Variants in ST14 observed in about 807,000 individuals in gnomAD.
ST14 encodes ST14 transmembrane serine protease matriptase.
A neutral mutation model predicts 96.5 loss-of-function variants in ST14; 40 were observed. That is an observed-to-expected ratio of 0.41 (90% CI 0.32 to 0.54). The LOEUF is 0.54. Ranked by LOEUF, ST14 falls within the 20% of genes least tolerant of loss-of-function variation. The pLI, the probability that ST14 is intolerant of heterozygous loss-of-function variation, is 0.17. For synonymous variants in ST14, 506 were observed against 492.1 expected, an observed-to-expected ratio of 1.03 and a Z score of -0.37; for missense variants, 1,066 against 1,188.9, an observed-to-expected ratio of 0.90 and a Z score of 1.52.
intron 16 of ST14, among the ~76,000 whole-genome samples, chr11:130,206,567 C>CTTTTTTTTTTTTTTTTTTTTTTTT (rs57270082): frequency 7.0e-6 from 1 of 143,144 alleles, no homozygotes; most frequent in African/African-American, 2.5e-5. Flanking sequence ...CTTTTCTTTT[C>CTTTTTTTTTTTTTTTTTTTTTTTT]TTTTTTTTTT....
In ST14 at chr11:130,187,623, C is replaced by T. The variant is rs1953249967; in HGVS notation, c.82-491C>T. On this transcript the variant is annotated intron_variant, in intron 1 of 18. Transcript: ENST00000278742. The surrounding 1 kb of genome is among the most constrained non-coding windows in gnomAD (Gnocchi z 4.5). ...TGAGTGCTGGCCACAGGCTCCTGGG[C>T]CAGGTGATGGGGGGATTGAATCTGG... Among the ~76,000 whole-genome samples the T allele has an allele frequency of 6.6e-6, 1 of 152,032 alleles. No homozygotes were observed. Among genetic ancestry groups the T allele is most frequent in the African/African-American group, 2.4e-5 (1 of 41,378 alleles).
chr11:130,207,001 C>T (rs1470393687), intron 16 of ST14, among the ~76,000 whole-genome samples: 1 of 152,176 alleles, frequency 6.6e-6, no homozygotes, highest in Non-Finnish European at 1.5e-5. Flanking sequence ...GTAGTAGTGT[C>T]ACCCTGTCAC....
At chr11:130,204,609 C>T (rs539058386) in intron 16 of ST14, among the ~76,000 whole-genome samples, 86 of 152,140 alleles carry the variant, frequency 5.7e-4, no homozygotes, top group African/African-American at 2.0e-3. Context: ...GTCAGGAGTT[C>T]GAGACCAGCC....
At chr11:130,191,306 T>C (rs1238725892) in intron 7 of ST14, among the ~76,000 whole-genome samples, 4 of 152,076 alleles carry the variant, frequency 2.6e-5, no homozygotes, top group African/African-American at 7.2e-5. Context: ...CACTCCAGCC[T>C]GGGCAACAGA....
At chr11:130,206,968 C>T (rs189864170) in intron 16 of ST14, among the ~76,000 whole-genome samples, 9 of 152,300 alleles carry the variant, frequency 5.9e-5, no homozygotes, top group African/African-American at 2.2e-4. Context: ...GATTACCCCA[C>T]CCTTTTTTAT....
intron 1 of ST14, among the ~76,000 whole-genome samples, chr11:130,186,083 T>G (rs996978448): frequency 6.6e-6 from 1 of 152,194 alleles, no homozygotes; most frequent in African/African-American, 2.4e-5. Flanking sequence ...GCTGGGATTA[T>G]AGGCGTGAGC....
chr11:130,185,794 C>A (rs1469968162), intron 1 of ST14, among the ~76,000 whole-genome samples: 2 of 152,128 alleles, frequency 1.3e-5, no homozygotes, highest in Non-Finnish European at 2.9e-5. Flanking sequence ...AACAGTGGAA[C>A]CCTCAAAATT....
At chr11:130,202,070 C>T (rs753200615) in intron 16 of ST14, among the ~76,000 whole-genome samples, 26 of 152,296 alleles carry the variant, frequency 1.7e-4, no homozygotes, top group African/African-American at 3.1e-4. Context: ...GACCAAGGTC[C>T]GGTTGCTTAG....
At chr11:130,204,995 C>T (rs1042926967) in intron 16 of ST14, among the ~76,000 whole-genome samples, 5 of 152,008 alleles carry the variant, frequency 3.3e-5, no homozygotes, top group Admixed American at 6.6e-5. Context: ...GAAAATGAAG[C>T]GGGTCTTCAT....
In ST14 at chr11:130,210,168, G is replaced by C. The variant is rs1259896971; in HGVS notation, c.*345G>C. 4.0e-6 allele frequency: 1 copy of C among 251,822 alleles called. No individual in the cohort carries two copies. Among genetic ancestry groups the C allele is most frequent in the African/African-American group, 2.2e-5 (1 of 44,996 alleles). 15.6% of individuals were successfully genotyped at this position (251,822 alleles called of 1,614,324 possible). On this transcript the variant is annotated 3_prime_UTR_variant, in exon 19 of 19. Coordinates refer to ENST00000278742, the MANE Select transcript of ST14 (RefSeq NM_021978.4). ...TAAGGAGCAGCGGGAACGGAGCTTCGGGGCCTCCTCAGTGAAGGTGGTGGG... is the reference window on the plus strand; with the variant it reads ...TAAGGAGCAGCGGGAACGGAGCTTCCGGGCCTCCTCAGTGAAGGTGGTGGG...
At position 130,194,577 on chromosome 11, in the gene ST14, T is replaced by G. The variant is rs1453739820; in HGVS notation, c.1016-63T>G. On this transcript the variant is annotated intron_variant, in intron 8 of 18. Coordinates refer to ENST00000278742, the MANE Select transcript of ST14 (RefSeq NM_021978.4). ...CTCCAGGCCTCAGGCTGCAGAGCCCTCGTCCGCCTGCTCGGCCGGGCAGGT... is the reference window on the plus strand; with the variant it reads ...CTCCAGGCCTCAGGCTGCAGAGCCCGCGTCCGCCTGCTCGGCCGGGCAGGT... The G allele has an allele frequency of 2.6e-6, 4 of 1,554,196 alleles. No homozygotes were observed. The African/African-American group carries it at 5.4e-5, about 21-fold the overall frequency.
At chr11:130,202,828 C>T (rs1036777441) in intron 16 of ST14, among the ~76,000 whole-genome samples, 1 of 152,146 alleles carries the variant, frequency 6.6e-6, no homozygotes, top group Non-Finnish European at 1.5e-5. Flanking sequence ...AAAGCGCGAC[C>T]CTACCTCACA....
At chr11:130,206,692 T>G (rs1184636148) in intron 16 of ST14, among the ~76,000 whole-genome samples, 1 of 151,856 alleles carries the variant, frequency 6.6e-6, no homozygotes, top group Non-Finnish European at 1.5e-5. Flanking sequence ...CTCAGCCTCC[T>G]GAGTAGCTGG....
Position 130,190,485 on chromosome 11 carries a change from T to A in ST14, c.666T>A (p.Gly222=), listed in dbSNP as rs749726257. 6.2e-7 allele frequency: 1 copy of A among 1,608,184 alleles called. No individual in the cohort carries two copies. The highest frequency in any genetic ancestry group is 1.1e-5 in the South Asian group (1 of 91,084). The change falls in exon 7 of 19, where the codon GGT becomes GGA. Residue 222 remains glycine (G), a synonymous_variant. Coordinates refer to ENST00000278742, the MANE Select transcript of ST14 (RefSeq NM_021978.4). ...NSCSFGLHAR[G]VELMRFTTPG... is the part of the protein sequence containing the mutation. ...GCAGCTTTGGCCTGCACGCCCGCGG[T>A]GTGGAGCTGATGCGCTTCACCACGC...
In ST14 at chr11:130,187,429, G is replaced by GT. The variant is rs1953248584; in HGVS notation, c.82-685_82-684insT. Among the ~76,000 whole-genome samples the GT allele has an allele frequency of 6.6e-6, 1 of 152,190 alleles. No individual in the cohort carries two copies. Among genetic ancestry groups the GT allele is most frequent in the Non-Finnish European group, 1.5e-5 (1 of 68,030 alleles). On this transcript the variant is annotated intron_variant, in intron 1 of 18. Coordinates refer to ENST00000278742, the MANE Select transcript of ST14 (RefSeq NM_021978.4). This position sits in a 1 kb window ranked among gnomAD's most constrained non-coding sequence, Gnocchi z 4.5. Reference sequence around the variant, plus strand: ...TTTGCTTGCTTTTCCCTCTGTTGGGGCTGCGCGTGGGTGTGGATTCCCACA... The same window carrying GT: ...TTTGCTTGCTTTTCCCTCTGTTGGGGTCTGCGCGTGGGTGTGGATTCCCACA...
intron 9 of ST14, 42 bp from the exon 10 acceptor site, chr11:130,196,297 G>A (rs1259602234): frequency 6.7e-7 from 1 of 1,495,916 alleles, no homozygotes. Flanking sequence ...TCAGGGAGGA[G>A]GGAGGGGAAC....
Position 130,181,390 on chromosome 11 carries a change from G to T in ST14, c.82-6724G>T, listed in dbSNP as rs1953191628. On this transcript the variant is annotated intron_variant, in intron 1 of 18. Coordinates refer to ENST00000278742, the MANE Select transcript of ST14 (RefSeq NM_021978.4). This position sits in a 1 kb window ranked among gnomAD's most constrained non-coding sequence, Gnocchi z 4.1. ...GTCCTTTGGCCAGGATCTAACTACA[G>T]TGGGCCAGCAGGAAGAGGCTGTGAT... Among the ~76,000 whole-genome samples, 1 of 152,228 alleles carries T rather than the reference G, an allele frequency of 6.6e-6. No homozygotes were observed. The highest frequency in any genetic ancestry group is 6.5e-5 in the Admixed American group (1 of 15,286).
intron 1 of ST14, among the ~76,000 whole-genome samples, chr11:130,163,326 C>A (rs1227436537): frequency 6.6e-6 from 1 of 152,214 alleles, no homozygotes; most frequent in African/African-American, 2.4e-5. Flanking sequence ...GGAGAAATAT[C>A]TTTCTATGAA....
At chr11:130,191,535 C>T (rs2136213605) in intron 7 of ST14, among the ~76,000 whole-genome samples, 1 of 149,828 alleles carries the variant, frequency 6.7e-6, no homozygotes, top group East Asian at 2.0e-4. Context: ...ACTAAAAATA[C>T]AAAAATCAGC....
Sources: gnomAD v4.1 joint callset for allele counts (sites outside exome capture counted in the v4.1 genomes callset) on GRCh38, gnomAD v4.1.1 for gene constraint, Gnocchi (gnomAD v3.1) non-coding constraint, MANE v1.5 for transcripts, NCBI Gene and HGNC (gene_info 2026-07-23, HGNC 2026-07-21) for gene names.